The following MOK variants were observed in gnomAD, a reference collection of about 807,000 sequenced individuals.
MOK encodes the protein MAPK/MAK/MRK overlapping kinase.
A neutral mutation model predicts 54.2 loss-of-function variants in MOK; 59 were observed. The ratio of observed to expected loss-of-function variants is 1.09; its 90% CI spans 0.88 to 1.35. The LOEUF (loss-of-function observed/expected upper bound fraction) is 1.35. MOK is among the 40% of genes most tolerant of loss of function. MOK has a pLI of 0.00. For missense variants in MOK, 517 were observed against 526.2 expected (o/e 0.98, Z 0.17); for synonymous variants, 210 against 202.7 (o/e 1.04, Z -0.31).
chr14:102,222,930 G>A, downstream of MOK: 2 of 1,610,710 alleles, frequency 1.2e-6, no homozygotes, highest in African/African-American at 2.7e-5. This position sits in a 1 kb window ranked among gnomAD's most constrained non-coding sequence, Gnocchi z 4.4. Flanking sequence ...GGACTCGAGG[G>A]AGTGACGAGG....
rs138485764 is a variant in MOK at position 102,244,146 on chromosome 14, C to G, written c.590+6666G>C. Among the ~76,000 whole-genome samples, 350 of 152,320 alleles carry G rather than the reference C, an allele frequency of 2.3e-3. 1 individual carries two copies. Among genetic ancestry groups the G allele is most frequent in the Admixed American group, 4.0e-3 (61 of 15,308 alleles). On this transcript the variant is annotated intron_variant, in intron 7 of 11. Transcript: ENST00000361847. ...CTTTACTTCCAAAGGAAGCTGGAGT[C>G]ATTCACTGCAAGGGCCATCAAAAGG... is the stretch of plus-strand genomic sequence containing the variant.
intron 1 of MOK, among the ~76,000 whole-genome samples, chr14:102,284,195 C>A (rs1463378323): frequency 6.6e-6 from 1 of 151,958 alleles, no homozygotes; most frequent in African/African-American, 2.4e-5. Flanking sequence ...ATTTTCCTGA[C>A]CAAACCCTGA....
At chr14:102,297,150 G>A (rs769934957) in intron 1 of MOK, among the ~76,000 whole-genome samples, 1 of 152,088 alleles carries the variant, frequency 6.6e-6, no homozygotes, top group African/African-American at 2.4e-5. Context: ...GAGGTCAGGA[G>A]ATCAAGACCA....
At chr14:102,222,767 G>A (rs187506374), downstream of MOK, 11 of 1,586,194 alleles carry the variant, frequency 6.9e-6, no homozygotes, top group East Asian at 4.5e-5. The surrounding 1 kb of genome is among the most constrained non-coding windows in gnomAD (Gnocchi z 4.4). Flanking sequence ...GGCGGAGGGC[G>A]CGCATGGTGG....
At position 102,265,923 on chromosome 14, in the gene MOK, G is replaced by A; in HGVS notation, c.123-11C>T. 2.5e-6 allele frequency: 4 copies of A among 1,595,416 alleles called. No individual in the cohort carries two copies. Among genetic ancestry groups the A allele is most frequent in the African/African-American group, 2.7e-5 (2 of 74,658 alleles). ...TTGACTTGCTCAATACTATCGTGTA[G>A]GTAAAAATGGATAGCTCATTCACAG... is the stretch of plus-strand genomic sequence containing the variant. On this transcript the variant is annotated splice_polypyrimidine_tract_variant and intron_variant, in intron 2 of 11. Coordinates refer to ENST00000361847, the MANE Select transcript of MOK (RefSeq NM_014226.3).
intron 4 of MOK, among the ~76,000 whole-genome samples, 186 bp from the exon 5 acceptor site, chr14:102,252,181 C>T (rs1383990399): frequency 6.6e-6 from 1 of 152,106 alleles, no homozygotes; most frequent in African/African-American, 2.4e-5. Flanking sequence ...ATTCCATATA[C>T]TGGCCAGGGG....
chr14:102,259,559 T>C (rs1055478694), intron 4 of MOK, among the ~76,000 whole-genome samples: 1 of 152,134 alleles, frequency 6.6e-6, no homozygotes, highest in East Asian at 1.9e-4. Flanking sequence ...TCCTCATCTG[T>C]AAAATGGGAA....
chr14:102,279,168 T>A (rs375333558), intron 2 of MOK, among the ~76,000 whole-genome samples: 179 of 152,284 alleles, frequency 1.2e-3, no homozygotes, highest in African/African-American at 4.1e-3. Context: ...TGTCACTGCC[T>A]CGGGGCACAA....
Position 102,229,135 on chromosome 14 carries a change from G to C in MOK, c.*154C>G. The C allele has an allele frequency of 1.3e-6, 1 of 755,912 alleles. No homozygotes were observed. The highest frequency in any genetic ancestry group is 2.0e-5 in the South Asian group (1 of 50,636). The allele number at this position is 755,912 out of a possible 1,614,324, so 46.8% of individuals were successfully genotyped here. On this transcript the variant is annotated 3_prime_UTR_variant, in exon 12 of 12. Transcript: ENST00000361847. ...AGGCAGCTGCGCGGGCCGCGGGTGC[G>C]GCAGGGCGCAGGGCAGCACCCAGAG...
intron 1 of MOK, among the ~76,000 whole-genome samples, chr14:102,299,827 C>G (rs1435360928): frequency 6.6e-6 from 1 of 152,198 alleles, no homozygotes. Context: ...TAAGCAATCT[C>G]TTGCCTCAGC....
In MOK at chr14:102,235,331, A is replaced by C. The variant is rs1390427441; in HGVS notation, c.591-1542T>G. 6.6e-6 allele frequency: 1 copy of C among 152,262 alleles called. No homozygotes were observed. The highest frequency in any genetic ancestry group is 1.5e-5 in the Non-Finnish European group (1 of 68,048). The allele number at this position is 152,262 out of a possible 1,614,324, so 9.4% of individuals were successfully genotyped here. A position where few individuals can be genotyped will look rare whatever the true frequency, so the allele number is the denominator to read the frequency against. On this transcript the variant is annotated intron_variant, in intron 7 of 11. Coordinates refer to ENST00000361847, the MANE Select transcript of MOK (RefSeq NM_014226.3). The surrounding 1 kb of genome is among the most constrained non-coding windows in gnomAD (Gnocchi z 4.4). ...TCCGATCCCGACACTTACATCAAATAATTTAAATATCTCACCCAGTCTTAT... is the reference window on the plus strand; with the variant it reads ...TCCGATCCCGACACTTACATCAAATCATTTAAATATCTCACCCAGTCTTAT...
In MOK at chr14:102,232,889, G is replaced by A; in HGVS notation, c.693-181C>T. 1 of 520,206 alleles carries A rather than the reference G, an allele frequency of 1.9e-6. No individual in the cohort carries two copies. The highest frequency in any genetic ancestry group is 3.1e-5 in the East Asian group (1 of 32,228). 32.2% of individuals were successfully genotyped at this position (520,206 alleles called of 1,614,324 possible). A position where few individuals can be genotyped will look rare whatever the true frequency, so the allele number is the denominator to read the frequency against. On this transcript the variant is annotated intron_variant, in intron 8 of 11. Transcript: ENST00000361847. The surrounding 1 kb of genome is among the most constrained non-coding windows in gnomAD (Gnocchi z 5.1). ...ACCCCTGATGTAAATGATGGGCTCT[G>A]TGTAGTAATGAGATATCCACGGTTC...
chr14:102,229,698 C>G (rs1309251908), intron 10 of MOK, 41 bp from the exon 11 acceptor site: 1 of 1,521,148 alleles, frequency 6.6e-7, no homozygotes, highest in Non-Finnish European at 8.9e-7. Context: ...AAAACGCTTT[C>G]TGCTTTATGG....
Position 102,305,082 on chromosome 14 carries a change from C to A in MOK, c.-114G>T. ...CTGAGGCGGGGTCCCGCACTAGGAT[C>A]TCCGTGGTGGTCCCTCGAAGGAGAG... is the stretch of plus-strand genomic sequence containing the variant. On this transcript the variant is annotated 5_prime_UTR_variant, in exon 1 of 12. Coordinates refer to ENST00000361847, the MANE Select transcript of MOK (RefSeq NM_014226.3). The A allele has an allele frequency of 1.6e-6, 2 of 1,255,842 alleles. No individual in the cohort carries two copies. Among genetic ancestry groups the A allele is most frequent in the Non-Finnish European group, 2.3e-6 (2 of 877,338 alleles). 77.8% of individuals were successfully genotyped at this position (1,255,842 alleles called of 1,614,324 possible). A position where few individuals can be genotyped will look rare whatever the true frequency, so the allele number is the denominator to read the frequency against.
downstream of MOK, among the ~76,000 whole-genome samples, chr14:102,219,690 G>T (rs141705554): frequency 6.2e-4 from 94 of 152,356 alleles, no homozygotes; most frequent in South Asian, 1.0e-3. Flanking sequence ...CGTGCTTCCT[G>T]AGTGCTGCAG....
chr14:102,281,827 G>C (rs1009523793), intron 2 of MOK, among the ~76,000 whole-genome samples: 2 of 152,060 alleles, frequency 1.3e-5, no homozygotes, highest in Non-Finnish European at 2.9e-5. Flanking sequence ...AGATGGAGTC[G>C]GGGAAAGATA....
Position 102,232,655 on chromosome 14 carries a change from A to G in MOK, c.746T>C (p.Leu249Pro), listed in dbSNP as rs2064838868. The change falls in exon 9 of 12, where the codon CTA becomes CCA. Residue 249 changes from leucine to proline, a missense_variant. Physicochemically the swap from Leu to Pro is moderately conservative, Grantham distance 98. Coordinates refer to ENST00000361847, the MANE Select transcript of MOK (RefSeq NM_014226.3). This position sits in a 1 kb window ranked among gnomAD's most constrained non-coding sequence, Gnocchi z 5.1. ...FPFKKGSGIP[L>P]LTTNLSPQCL... Reference sequence around the variant, plus strand: ...TTGTGGGGACAAATTGGTTGTTAGTAGAGGTATTCCTGATCCCTTTTTAAA... The same window carrying G: ...TTGTGGGGACAAATTGGTTGTTAGTGGAGGTATTCCTGATCCCTTTTTAAA... 6.2e-7 allele frequency: 1 copy of G among 1,614,026 alleles called. No homozygotes were observed. Among genetic ancestry groups the G allele is most frequent in the Non-Finnish European group, 8.5e-7 (1 of 1,179,998 alleles).
At position 102,231,960 on chromosome 14, in the gene MOK, G is replaced by GC; in HGVS notation, c.867-140dup. ...TTTTCTGCCTGAGCTGTAATCAGGA[G>GC]CCTTTTTTTTTCTTTTCTGTCTCAG... is the stretch of plus-strand genomic sequence containing the variant. On this transcript the variant is annotated intron_variant, in intron 9 of 11. Coordinates refer to ENST00000361847, the MANE Select transcript of MOK (RefSeq NM_014226.3). The surrounding 1 kb of genome is among the most constrained non-coding windows in gnomAD (Gnocchi z 4.4). The GC allele has an allele frequency of 1.6e-6, 1 of 638,746 alleles. No individual in the cohort carries two copies. The highest frequency in any genetic ancestry group is 2.9e-5 in the East Asian group (1 of 34,702). The allele number at this position is 638,746 out of a possible 1,614,324, so 39.6% of individuals were successfully genotyped here. A position where few individuals can be genotyped will look rare whatever the true frequency, so the allele number is the denominator to read the frequency against.
downstream of MOK, among the ~76,000 whole-genome samples, chr14:102,224,272 C>G (rs1442542106): frequency 1.3e-5 from 2 of 151,994 alleles, no homozygotes; most frequent in African/African-American, 4.8e-5. Flanking sequence ...GATCTCCTGA[C>G]CTCGTGATCC....
Sources: allele counts gnomAD v4.1 joint callset (sites outside exome capture counted in the v4.1 genomes callset), GRCh38; gene constraint gnomAD v4.1.1; non-coding constraint Gnocchi (gnomAD v3.1); transcripts MANE v1.5; gene names NCBI Gene and HGNC (gene_info 2026-07-23, HGNC 2026-07-21).